NXPE4: variants seen among roughly 807,000 people sequenced by gnomAD.
NXPE4 encodes the protein NXPE family member 4.
NXPE4 carries 42 observed loss-of-function variants against 33.3 expected under a neutral mutation model. That is an observed-to-expected ratio of 1.26 (90% CI 0.98 to 1.63). The LOEUF is 1.63. NXPE4 is among the 40% of genes most tolerant of loss of function. The pLI, the probability that NXPE4 is intolerant of heterozygous loss-of-function variation, is 0.00. For synonymous variants in NXPE4, 253 were observed against 234.9 expected (o/e 1.08, Z -0.71); for missense variants, 709 against 647.6 (o/e 1.09, Z -1.03).
chr11:114,654,135 G>A, the NXPE4 span, among the ~76,000 whole-genome samples: 2 of 152,014 alleles, frequency 1.3e-5, no homozygotes, highest in East Asian at 3.9e-4. Context: ...TGGCTTTCAG[G>A]ATCCAATCTA....
At chr11:114,575,872 A>G (rs140563059) in intron 5 of NXPE4, among the ~76,000 whole-genome samples, 3,204 of 152,270 alleles carry the variant, frequency 0.021, 122 homozygotes, top group African/African-American at 0.073. Context: ...TATGGAACCA[A>G]AAAAGAGCCC....
chr11:114,653,766 G>T, the NXPE4 span, among the ~76,000 whole-genome samples: 21 of 151,960 alleles, frequency 1.4e-4, no homozygotes, highest in Non-Finnish European at 1.9e-4. Context: ...CTGACCTCGT[G>T]ATCTGCCCAT....
chr11:114,652,709 T>C, the NXPE4 span, among the ~76,000 whole-genome samples: 1 of 152,080 alleles, frequency 6.6e-6, no homozygotes, highest in African/African-American at 2.4e-5. Context: ...GAACCTGACT[T>C]GCTGAATGAA....
At chr11:114,610,856 C>T in the NXPE4 span, among the ~76,000 whole-genome samples, 288 of 152,016 alleles carry the variant, frequency 1.9e-3, 3 homozygotes, top group African/African-American at 5.6e-3. Flanking sequence ...CTAGGGTAAC[C>T]ACTGTTCCCC....
At chr11:114,581,685 C>G (rs1371266890) in intron 4 of NXPE4, 40 bp downstream of exon 4, 1 of 1,497,544 alleles carries the variant, frequency 6.7e-7, no homozygotes. Context: ...TTAAATGGGT[C>G]TAGAACTAGG....
chr11:114,583,302 G>T, intron 2 of NXPE4: 1 of 635,862 alleles, frequency 1.6e-6, no homozygotes, highest in Non-Finnish European at 2.9e-6. Flanking sequence ...TACTACGATA[G>T]GGGTGTTGGA....
the NXPE4 span, among the ~76,000 whole-genome samples, chr11:114,633,099 ATAT>A: frequency 2.5e-5 from 3 of 119,908 alleles, no homozygotes; most frequent in African/African-American, 1.0e-4. Context: ...TGTATTTTAT[ATAT>A]TTTACATTAT....
Position 114,580,479 on chromosome 11 carries a change from C to T in NXPE4, c.893-141G>A, listed in dbSNP as rs375019848. The T allele has an allele frequency of 3.7e-5, 24 of 652,046 alleles. No individual in the cohort carries two copies. In the East Asian group the frequency reaches 5.4e-4, roughly 15 times the overall value. The allele number at this position is 652,046 out of a possible 1,614,324, so 40.4% of individuals were successfully genotyped here. On this transcript the variant is annotated intron_variant, in intron 4 of 5. Coordinates refer to ENST00000375478, the MANE Select transcript of NXPE4 (RefSeq NM_001077639.2). Reference sequence around the variant, plus strand: ...GGAAAAAGTATTACTGAAGTATTCTCTTAATGGAACAGCTGTTTTTTTAAT... The same window carrying T: ...GGAAAAAGTATTACTGAAGTATTCTTTTAATGGAACAGCTGTTTTTTTAAT...
At chr11:114,650,566 G>A in the NXPE4 span, among the ~76,000 whole-genome samples, 1 of 151,566 alleles carries the variant, frequency 6.6e-6, no homozygotes, top group Non-Finnish European at 1.5e-5. Flanking sequence ...CCTTCCCCAG[G>A]AAGTGAGAAA....
At chr11:114,642,094 GA>G in the NXPE4 span, among the ~76,000 whole-genome samples, 3 of 151,978 alleles carry the variant, frequency 2.0e-5, no homozygotes, top group Non-Finnish European at 2.9e-5. Context: ...TTCCAAAGTG[GA>G]AAAGGCTGGC....
chr11:114,643,606 A>G, the NXPE4 span, among the ~76,000 whole-genome samples: 1 of 151,876 alleles, frequency 6.6e-6, no homozygotes, highest in African/African-American at 2.4e-5. Context: ...GTTCTGTTCC[A>G]TTGGTCTATA....
the NXPE4 span, among the ~76,000 whole-genome samples, chr11:114,667,299 G>GT: frequency 1.3e-5 from 2 of 152,206 alleles, no homozygotes; most frequent in Admixed American, 1.3e-4. Context: ...TTTAAAAAAT[G>GT]TTTTTAATAA....
the NXPE4 span, among the ~76,000 whole-genome samples, chr11:114,677,646 A>G: frequency 6.6e-6 from 1 of 152,038 alleles, no homozygotes; most frequent in Non-Finnish European, 1.5e-5. Flanking sequence ...ATAGACATGG[A>G]GGGATATATG....
the NXPE4 span, among the ~76,000 whole-genome samples, chr11:114,632,172 A>C: frequency 2.8e-5 from 4 of 141,188 alleles, no homozygotes; most frequent in East Asian, 5.9e-4. Flanking sequence ...TTTATCATAT[A>C]ATATATAATA....
At chr11:114,661,143 G>A in the NXPE4 span, among the ~76,000 whole-genome samples, 3 of 152,124 alleles carry the variant, frequency 2.0e-5, no homozygotes, top group East Asian at 5.8e-4. Flanking sequence ...TTGTGGATGG[G>A]CAGGTTCAAT....
chr11:114,648,269 G>T, the NXPE4 span, among the ~76,000 whole-genome samples: 1 of 152,226 alleles, frequency 6.6e-6, no homozygotes, highest in Non-Finnish European at 1.5e-5. Flanking sequence ...ATGAGAACCA[G>T]GAGAGCCAAT....
the NXPE4 span, among the ~76,000 whole-genome samples, chr11:114,672,387 A>T: frequency 2.1e-5 from 3 of 145,438 alleles, no homozygotes; most frequent in East Asian, 6.7e-4. Context: ...ATATTCATTT[A>T]ATGCAAAATA....
chr11:114,577,058 CATATATATATAT>C (rs1240336188), intron 5 of NXPE4, among the ~76,000 whole-genome samples: 8 of 29,928 alleles, frequency 2.7e-4, no homozygotes, highest in Non-Finnish European at 5.0e-4. Flanking sequence ...TATATATATA[CATATATATATAT>C]AAAGTTATAT....
the NXPE4 span, among the ~76,000 whole-genome samples, chr11:114,677,823 G>A: frequency 1.3e-5 from 2 of 152,028 alleles, no homozygotes; most frequent in African/African-American, 2.4e-5. Context: ...CTCATGCAGA[G>A]CAATGCATAC....
Sources: gnomAD v4.1 joint callset for allele counts (sites outside exome capture counted in the v4.1 genomes callset) on GRCh38, gnomAD v4.1.1 for gene constraint, MANE v1.5 for transcripts, NCBI Gene and HGNC (gene_info 2026-07-23, HGNC 2026-07-21) for gene names.